The following GPC5 variants were observed in gnomAD, a reference collection of about 807,000 sequenced individuals.
GPC5 encodes the protein glypican-5.
A neutral mutation model predicts 53.9 loss-of-function variants in GPC5; 47 were observed. The observed-to-expected ratio is 0.87, with a 90% CI of 0.69 to 1.11. The LOEUF is 1.11. GPC5 is among the 50% of genes most tolerant of loss of function. GPC5 has a pLI of 0.00. For synonymous variants in GPC5, 286 were observed against 263.3 expected (o/e 1.09, Z -0.84); for missense variants, 748 against 713.1 (o/e 1.05, Z -0.56).
At chr13:92,430,423 A>G (rs1877034386) in intron 7 of GPC5, among the ~76,000 whole-genome samples, 1 of 152,200 alleles carries the variant, frequency 6.6e-6, no homozygotes, top group Non-Finnish European at 1.5e-5. Context: ...TGCAGGCAGT[A>G]ACGAAACTCT....
chr13:91,621,292 C>T (rs2033848687), intron 2 of GPC5, among the ~76,000 whole-genome samples: 1 of 152,114 alleles, frequency 6.6e-6, no homozygotes, highest in Non-Finnish European at 1.5e-5. Context: ...TTGCCTGCCT[C>T]ATACCCATGT....
intron 7 of GPC5, among the ~76,000 whole-genome samples, chr13:92,646,929 C>CGT (rs372426651): frequency 0.054 from 7,311 of 134,986 alleles, 242 homozygotes; most frequent in Non-Finnish European, 0.07. Context: ...TATATATAAA[C>CGT]ATGTGTGTGT....
At chr13:92,728,112 C>T (rs1461972999) in intron 7 of GPC5, among the ~76,000 whole-genome samples, 2 of 151,358 alleles carry the variant, frequency 1.3e-5, no homozygotes, top group Non-Finnish European at 3.0e-5. Context: ...AAAATTTCAC[C>T]TTTTACAACT....
At chr13:91,590,272 A>C (rs1402062818) in intron 2 of GPC5, among the ~76,000 whole-genome samples, 1 of 151,960 alleles carries the variant, frequency 6.6e-6, no homozygotes, top group Non-Finnish European at 1.5e-5. Context: ...GGAATATTTG[A>C]TTAAGCTTGC....
chr13:92,527,603 G>A (rs1881412030), intron 7 of GPC5, among the ~76,000 whole-genome samples: 1 of 151,584 alleles, frequency 6.6e-6, no homozygotes, highest in Non-Finnish European at 1.5e-5. Flanking sequence ...AGAAGGAGGT[G>A]GAGATGGTTA....
At chr13:91,570,360 A>G (rs1228877193) in intron 2 of GPC5, among the ~76,000 whole-genome samples, 2 of 152,178 alleles carry the variant, frequency 1.3e-5, no homozygotes, top group Non-Finnish European at 2.9e-5. Flanking sequence ...TTCAAAGGAA[A>G]TGTTCCTTGG....
chr13:92,479,654 C>T (rs1255981871), intron 7 of GPC5, among the ~76,000 whole-genome samples: 1 of 152,160 alleles, frequency 6.6e-6, no homozygotes, highest in Non-Finnish European at 1.5e-5. Context: ...GAATGAAATT[C>T]AGGGCATAAT....
intron 2 of GPC5, among the ~76,000 whole-genome samples, chr13:91,625,152 A>G (rs1300242408): frequency 2.0e-5 from 3 of 151,886 alleles, no homozygotes; most frequent in African/African-American, 7.2e-5. Flanking sequence ...CTAAGGAATG[A>G]GAAAGGGCAT....
intron 5 of GPC5, among the ~76,000 whole-genome samples, chr13:91,810,700 T>G (rs1156425588): frequency 2.0e-5 from 3 of 151,946 alleles, no homozygotes; most frequent in Non-Finnish European, 4.4e-5. Context: ...ATTGAACCAA[T>G]TATGCTATGT....
At chr13:92,682,565 C>T (rs1231350746) in intron 7 of GPC5, among the ~76,000 whole-genome samples, 1 of 152,118 alleles carries the variant, frequency 6.6e-6, no homozygotes, top group Non-Finnish European at 1.5e-5. Context: ...AAGCACTCAT[C>T]TAGAAGATAA....
At chr13:92,129,494 A>G (rs960176166) in intron 6 of GPC5, among the ~76,000 whole-genome samples, 4 of 152,236 alleles carry the variant, frequency 2.6e-5, no homozygotes, top group African/African-American at 9.6e-5. Context: ...CAACAATTTT[A>G]TTAACAATCA....
In GPC5 at chr13:92,385,580, A is replaced by ACATATATGC. The variant is rs1232663607; in HGVS notation, c.1561+240591_1561+240592insCATATATGC. Among the ~76,000 whole-genome samples the ACATATATGC allele has an allele frequency of 9.4e-5, 8 of 85,228 alleles. No individual in the cohort carries two copies. In the Admixed American group the frequency reaches 1.1e-3, roughly 11 times the overall value. The allele number at this position is 85,228 out of a possible 152,430, so 55.9% of individuals were successfully genotyped here. ...TGCATATATACATATACGCATATAT[A>ACATATATGC]ATATATACGCATATATACATATATA... is the stretch of plus-strand genomic sequence containing the variant. On this transcript the variant is annotated intron_variant, in intron 7 of 7. Coordinates refer to ENST00000377067, the MANE Select transcript of GPC5 (RefSeq NM_004466.6).
intron 6 of GPC5, among the ~76,000 whole-genome samples, chr13:91,977,548 T>G (rs1000993849): frequency 6.6e-6 from 1 of 152,168 alleles, no homozygotes; most frequent in Non-Finnish European, 1.5e-5. Flanking sequence ...TATGCCACTT[T>G]GACATTAGGA....
At chr13:92,840,965 C>T (rs1183275200) in intron 7 of GPC5, among the ~76,000 whole-genome samples, 1 of 152,060 alleles carries the variant, frequency 6.6e-6, no homozygotes, top group Non-Finnish European at 1.5e-5. Context: ...TGTCCTGTCA[C>T]TTACTGAATT....
intron 7 of GPC5, among the ~76,000 whole-genome samples, chr13:92,327,044 C>T (rs2043257020): frequency 6.6e-6 from 1 of 152,114 alleles, no homozygotes; most frequent in South Asian, 2.1e-4. Context: ...TTGTTCACTA[C>T]ATCCTGAGAA....
At chr13:91,486,611 A>G (rs1178109536) in intron 2 of GPC5, 3 of 152,224 alleles carry the variant, frequency 2.0e-5, no homozygotes, top group Non-Finnish European at 4.4e-5. Flanking sequence ...TGATCTTGGT[A>G]TCTTTGGAGC....
At chr13:92,133,984 A>G (rs1451286148) in intron 6 of GPC5, among the ~76,000 whole-genome samples, 4 of 152,200 alleles carry the variant, frequency 2.6e-5, no homozygotes, top group East Asian at 1.9e-4. Flanking sequence ...TTGGCAATAT[A>G]GACATTAATA....
chr13:92,262,881 A>G (rs1215680402), intron 7 of GPC5, among the ~76,000 whole-genome samples: 1 of 152,184 alleles, frequency 6.6e-6, no homozygotes, highest in African/African-American at 2.4e-5. Context: ...GTGCTTCATT[A>G]GTTTATCCTT....
chr13:92,511,140 A>T (rs1161909075), intron 7 of GPC5, among the ~76,000 whole-genome samples: 1 of 152,218 alleles, frequency 6.6e-6, no homozygotes, highest in African/African-American at 2.4e-5. Context: ...GGCTTTTAAA[A>T]TTCTTGAACA....
Sources: allele counts gnomAD v4.1 joint callset (sites outside exome capture counted in the v4.1 genomes callset), GRCh38; gene constraint gnomAD v4.1.1; transcripts MANE v1.5; gene names NCBI Gene and HGNC (gene_info 2026-07-23, HGNC 2026-07-21).